Variants in ROBO2 observed in about 807,000 individuals in gnomAD.
ROBO2 encodes roundabout guidance receptor 2, also known as roundabout homolog 2.
Under a neutral mutation model 160.8 loss-of-function variants are expected in ROBO2, and 53 were observed. The observed-to-expected ratio is 0.33, with a 90% CI of 0.26 to 0.41. The LOEUF is 0.41. Among genes scored for constraint, ROBO2 ranks in the 10% least tolerant of loss-of-function variants. The pLI, the probability that ROBO2 is intolerant of heterozygous loss-of-function variation, is 1.00. For missense variants in ROBO2, 1,577 were observed against 1,722.4 expected, an observed-to-expected ratio of 0.92 and a Z score of 1.49; for synonymous variants, 664 against 611.7, an observed-to-expected ratio of 1.09 and a Z score of -1.26.
At chr3:76,376,220 C>T (rs2076338099) in intron 2 of ROBO2, among the ~76,000 whole-genome samples, 1 of 152,064 alleles carries the variant, frequency 6.6e-6, no homozygotes. Flanking sequence ...CAACTGATAA[C>T]TTTGAACTGA....
At chr3:76,596,877 T>C (rs1376843467) in intron 2 of ROBO2, among the ~76,000 whole-genome samples, 1 of 152,128 alleles carries the variant, frequency 6.6e-6, no homozygotes, top group Non-Finnish European at 1.5e-5. Flanking sequence ...TTGATAGACA[T>C]GTCATTTAAA....
intron 2 of ROBO2, among the ~76,000 whole-genome samples, chr3:76,144,501 A>T (rs2071811899): frequency 6.6e-6 from 1 of 152,014 alleles, no homozygotes. Context: ...AAAAGAAACC[A>T]AGGTAAGCCA....
At chr3:76,299,026 A>G (rs1242436950) in intron 2 of ROBO2, among the ~76,000 whole-genome samples, 2 of 152,174 alleles carry the variant, frequency 1.3e-5, no homozygotes, top group East Asian at 3.9e-4. Context: ...ACAAATATTT[A>G]CTGAGCTCTT....
intron 2 of ROBO2, among the ~76,000 whole-genome samples, chr3:76,754,533 C>A (rs1316872563): frequency 6.6e-6 from 1 of 151,924 alleles, no homozygotes; most frequent in South Asian, 2.1e-4. Context: ...AAATCACATG[C>A]CTTATGATGT....
intron 2 of ROBO2, among the ~76,000 whole-genome samples, chr3:77,204,510 T>G (rs1207831066): frequency 6.6e-6 from 1 of 152,168 alleles, no homozygotes; most frequent in African/African-American, 2.4e-5. Context: ...AGTGCCATGT[T>G]TTTTTGTTAG....
At chr3:76,880,219 G>T (rs2148737547) in intron 2 of ROBO2, among the ~76,000 whole-genome samples, 1 of 152,140 alleles carries the variant, frequency 6.6e-6, no homozygotes, top group Non-Finnish European at 1.5e-5. Context: ...ATTAGCCTTT[G>T]CTACATACCC....
chr3:76,859,046 T>A (rs889405779), intron 2 of ROBO2, among the ~76,000 whole-genome samples: 2 of 152,176 alleles, frequency 1.3e-5, no homozygotes, highest in African/African-American at 4.8e-5. Flanking sequence ...TACTTAAATA[T>A]AAGAGTCCAC....
At chr3:76,314,013 C>T (rs2071790140) in intron 2 of ROBO2, among the ~76,000 whole-genome samples, 1 of 152,084 alleles carries the variant, frequency 6.6e-6, no homozygotes, top group Admixed American at 6.6e-5. Context: ...ACTGACTTGT[C>T]AGAACATTTG....
At chr3:76,037,901 G>A (rs889575161) in intron 2 of ROBO2, among the ~76,000 whole-genome samples, 6 of 152,034 alleles carry the variant, frequency 3.9e-5, no homozygotes, top group Non-Finnish European at 4.4e-5. Context: ...CAGGGGTCAA[G>A]GAGGAAGTAT....
chr3:76,073,391 C>G (rs1181026591), intron 2 of ROBO2, among the ~76,000 whole-genome samples: 1 of 146,782 alleles, frequency 6.8e-6, no homozygotes. Context: ...CTCCTGGGTT[C>G]CCGCCATTCT....
chr3:77,547,656 G>A (rs2153650481), intron 7 of ROBO2, among the ~76,000 whole-genome samples: 1 of 152,116 alleles, frequency 6.6e-6, no homozygotes, highest in South Asian at 2.1e-4. Flanking sequence ...GCTCAGTCTG[G>A]ATGGACAAAT....
chr3:77,238,068 C>G (rs1222371580), intron 2 of ROBO2, among the ~76,000 whole-genome samples: 2 of 132,316 alleles, frequency 1.5e-5, no homozygotes, highest in Non-Finnish European at 3.5e-5. Flanking sequence ...GTCTCTGACA[C>G]AATTTCTAAT....
chr3:76,457,783 T>C (rs534338198), intron 2 of ROBO2, among the ~76,000 whole-genome samples: 3 of 152,284 alleles, frequency 2.0e-5, no homozygotes, highest in Non-Finnish European at 4.4e-5. Flanking sequence ...TTGACTTCTG[T>C]GCACCCTGAG....
chr3:77,125,979 T>C (rs1463185662), intron 2 of ROBO2, among the ~76,000 whole-genome samples: 1 of 152,190 alleles, frequency 6.6e-6, no homozygotes, highest in Non-Finnish European at 1.5e-5. Flanking sequence ...CAAAACTGGT[T>C]ATTATCATTT....
At chr3:76,050,183 A>G (rs1351915671) in intron 2 of ROBO2, among the ~76,000 whole-genome samples, 3 of 152,188 alleles carry the variant, frequency 2.0e-5, no homozygotes, top group African/African-American at 7.2e-5. Context: ...ATCAGCTGCC[A>G]TTGTGGCTAA....
chr3:76,951,615 G>A (rs1423302966), intron 2 of ROBO2, among the ~76,000 whole-genome samples: 1 of 152,000 alleles, frequency 6.6e-6, no homozygotes, highest in African/African-American at 2.4e-5. Context: ...TTTTTTTAAT[G>A]TTTCATATTA....
chr3:77,042,722 C>T (rs1415158698), intron 1 of ROBO2, among the ~76,000 whole-genome samples: 1 of 152,072 alleles, frequency 6.6e-6, no homozygotes, highest in Non-Finnish European at 1.5e-5. Flanking sequence ...TTCTTTCTCT[C>T]CGTTTTATTC....
At chr3:77,410,530 C>CTT (rs1491514121) in intron 2 of ROBO2, among the ~76,000 whole-genome samples, 18 of 148,070 alleles carry the variant, frequency 1.2e-4, no homozygotes, top group Admixed American at 6.7e-4. Flanking sequence ...TCCTCCTCTT[C>CTT]CTCCTCCTCT....
intron 2 of ROBO2, among the ~76,000 whole-genome samples, chr3:76,898,747 G>T (rs989873486): frequency 6.6e-6 from 1 of 151,916 alleles, no homozygotes; most frequent in South Asian, 2.1e-4. Flanking sequence ...GCAGTATGGC[G>T]GTGTGAAGAA....
Sources: gnomAD v4.1 joint callset for allele counts (sites outside exome capture counted in the v4.1 genomes callset) on GRCh38, gnomAD v4.1.1 for gene constraint, MANE v1.5 for transcripts, NCBI Gene and HGNC (gene_info 2026-07-23, HGNC 2026-07-21) for gene names.